The following CCDC171 variants were observed in gnomAD, a reference collection of about 807,000 sequenced individuals.
CCDC171 encodes the protein coiled-coil domain containing 171.
CCDC171 carries 177 observed loss-of-function variants against 168.2 expected under a neutral mutation model. The ratio of observed to expected loss-of-function variants is 1.05; its 90% CI spans 0.93 to 1.19. The LOEUF (loss-of-function observed/expected upper bound fraction) is 1.19. Among genes scored for constraint, CCDC171 ranks in the 50% most tolerant of loss-of-function variants. The pLI, the probability that CCDC171 is intolerant of heterozygous loss-of-function variation, is 0.00. For synonymous variants in CCDC171, 687 were observed against 540.8 expected (o/e 1.27, Z -3.75); for missense variants, 1,991 against 1,539.0 (o/e 1.29, Z -4.91).
chr9:15,666,722 G>T (rs928759795), intron 9 of CCDC171, among the ~76,000 whole-genome samples: 2 of 152,072 alleles, frequency 1.3e-5, no homozygotes, highest in African/African-American at 4.8e-5. Context: ...CTACTCGAGA[G>T]GCTGAGGTGG....
At chr9:16,094,330 G>A in the CCDC171 span, among the ~76,000 whole-genome samples, 1 of 152,230 alleles carries the variant, frequency 6.6e-6, no homozygotes, top group Non-Finnish European at 1.5e-5. Flanking sequence ...AGAGTGGTGA[G>A]CTGGTTAGGA....
chr9:15,740,709 G>A lies in CCDC171; in HGVS notation c.2050-3564G>A, dbSNP rs534291972. ...CCCGCCTTGGCCTCCCAAAGTGCTG[G>A]GATTACAGGCATGAGCCACCGTGCC... On this transcript the variant is annotated intron_variant, in intron 16 of 25. Transcript: ENST00000380701. Among the ~76,000 whole-genome samples the A allele has an allele frequency of 3.9e-4, 59 of 152,222 alleles. 1 individual carries two copies. The highest frequency in any genetic ancestry group is 3.7e-3 in the Admixed American group (57 of 15,282).
intron 22 of CCDC171, among the ~76,000 whole-genome samples, chr9:15,848,042 C>G (rs1312858167): frequency 6.6e-6 from 1 of 151,954 alleles, no homozygotes. Context: ...AAATGAGAGG[C>G]TTAGCCCAGG....
chr9:15,883,196 T>C (rs1210777213), intron 24 of CCDC171: 1 of 192,796 alleles, frequency 5.2e-6, no homozygotes, highest in South Asian at 6.8e-5. Context: ...ACCCAGGTAA[T>C]ATTTTTAATT....
chr9:15,720,603 A>G (rs549700892), intron 11 of CCDC171, among the ~76,000 whole-genome samples: 2 of 152,346 alleles, frequency 1.3e-5, no homozygotes, highest in East Asian at 3.9e-4. Context: ...AGAAAAGAAA[A>G]ATATTTTCAA....
Position 15,973,840 on chromosome 9 carries a change from A to G in CCDC171, c.*2004A>G, listed in dbSNP as rs1016174690. The G allele has an allele frequency of 3.3e-5, 5 of 152,260 alleles. No individual in the cohort carries two copies. The highest frequency in any genetic ancestry group is 4.8e-5 in the African/African-American group (2 of 41,554). 9.4% of individuals were successfully genotyped at this position (152,260 alleles called of 1,614,324 possible). On this transcript the variant is annotated 3_prime_UTR_variant, in exon 26 of 26. Coordinates refer to ENST00000380701, the MANE Select transcript of CCDC171 (RefSeq NM_173550.4). The stretch of plus-strand genomic sequence containing the variant: ...TTACAATTCTCACTAGAGAAGAACA[A>G]GGTTACTATATGTAACCTCTATGTC...
chr9:15,761,210 C>A (rs981552188), intron 18 of CCDC171, among the ~76,000 whole-genome samples: 12 of 152,120 alleles, frequency 7.9e-5, no homozygotes, highest in Non-Finnish European at 1.6e-4. Flanking sequence ...CCCAAATATA[C>A]CCCTGCTAGT....
chr9:15,826,033 A>G (rs549300923), intron 21 of CCDC171, among the ~76,000 whole-genome samples: 2 of 151,980 alleles, frequency 1.3e-5, no homozygotes, highest in South Asian at 2.1e-4. Context: ...TCTATCCTCT[A>G]TGGCTCTTAT....
At chr9:15,646,316 A>G (rs2047033493) in intron 7 of CCDC171, among the ~76,000 whole-genome samples, 2 of 152,222 alleles carry the variant, frequency 1.3e-5, no homozygotes, top group African/African-American at 4.8e-5. Flanking sequence ...AAGACCATCC[A>G]TGCTAGGAAG....
chr9:16,048,985 T>C (rs1028424740), intron 1 of CCDC171, among the ~76,000 whole-genome samples: 1 of 139,900 alleles, frequency 7.1e-6, no homozygotes, highest in Non-Finnish European at 1.5e-5. Context: ...TAATCCCAAA[T>C]GTTGAAATCC....
rs373025993 is a variant in CCDC171, at chr9:15,574,088, A to T, written c.177+2329A>T. ...AAAACAGGAAATTATAATTGGTTCA[A>T]CTCCAGATTTATATTACTAATTATT... On this transcript the variant is annotated intron_variant, in intron 3 of 25. Coordinates refer to ENST00000380701, the MANE Select transcript of CCDC171 (RefSeq NM_173550.4). 2.2e-4 allele frequency among the ~76,000 whole-genome samples: 33 copies of T among 151,598 alleles called. No homozygotes were observed. In the East Asian group the frequency reaches 4.5e-3, roughly 20 times the overall value.
intron 11 of CCDC171, among the ~76,000 whole-genome samples, chr9:15,699,741 G>C (rs1036799788): frequency 6.6e-6 from 1 of 152,114 alleles, no homozygotes; most frequent in Non-Finnish European, 1.5e-5. Context: ...ACAGAGTGCC[G>C]ATTGGTGTAT....
intron 7 of CCDC171, among the ~76,000 whole-genome samples, chr9:15,634,267 T>A (rs892472813): frequency 3.9e-5 from 6 of 152,130 alleles, no homozygotes; most frequent in African/African-American, 1.4e-4. Context: ...AAGATATAAT[T>A]TGAATAATAA....
At chr9:16,081,725 A>G in the CCDC171 span, among the ~76,000 whole-genome samples, 2 of 152,142 alleles carry the variant, frequency 1.3e-5, no homozygotes, top group African/African-American at 4.8e-5. Context: ...CTTAAAGAAA[A>G]TAAGAATCCT....
At chr9:15,875,645 A>G (rs756583786) in intron 24 of CCDC171, 1 of 151,982 alleles carries the variant, frequency 6.6e-6, no homozygotes, top group Non-Finnish European at 1.5e-5. Flanking sequence ...ATTTTAGTTT[A>G]TGACCCTGTG....
At chr9:15,705,977 T>A (rs1410367521) in intron 11 of CCDC171, among the ~76,000 whole-genome samples, 1 of 152,180 alleles carries the variant, frequency 6.6e-6, no homozygotes, top group Non-Finnish European at 1.5e-5. Context: ...TTGGGTAGCA[T>A]CCATAAGGAG....
At chr9:15,627,296 G>T (rs952031318) in intron 7 of CCDC171, among the ~76,000 whole-genome samples, 1 of 151,474 alleles carries the variant, frequency 6.6e-6, no homozygotes, top group Admixed American at 6.6e-5. Flanking sequence ...TTTTTCAAGG[G>T]TTTTTTGTGT....
intron 9 of CCDC171, among the ~76,000 whole-genome samples, chr9:15,668,232 T>C (rs558281364): frequency 6.6e-6 from 1 of 152,296 alleles, no homozygotes; most frequent in East Asian, 1.9e-4. Flanking sequence ...TTCTCTGTCA[T>C]GGATGTTGAA....
At chr9:15,831,763 A>G (rs781682369) in intron 21 of CCDC171, among the ~76,000 whole-genome samples, 5 of 149,102 alleles carry the variant, frequency 3.4e-5, no homozygotes, top group African/African-American at 5.1e-5. Flanking sequence ...GTCAACTACA[A>G]AGTAACTACT....
Sources: allele counts gnomAD v4.1 joint callset (sites outside exome capture counted in the v4.1 genomes callset), GRCh38; gene constraint gnomAD v4.1.1; transcripts MANE v1.5; gene names NCBI Gene and HGNC (gene_info 2026-07-23, HGNC 2026-07-21).